Variants in LRP5 observed in about 807,000 individuals in gnomAD.
LRP5 encodes the protein LDL receptor related protein 5.
Under a neutral mutation model 154.1 loss-of-function variants are expected in LRP5, and 62 were observed. The observed-to-expected ratio is 0.40, with a 90% CI of 0.33 to 0.50. The LOEUF (loss-of-function observed/expected upper bound fraction) is 0.50. Ranked by LOEUF, LRP5 falls within the 20% of genes least tolerant of loss-of-function variation. LRP5 has a pLI of 0.55. For synonymous variants in LRP5, 966 were observed against 1,011.5 expected (o/e 0.96, Z 0.85); for missense variants, 1,915 against 2,336.7 (o/e 0.82, Z 3.72).
At chr11:68,314,660 C>T (rs924672155) in intron 1 of LRP5, among the ~76,000 whole-genome samples, 1 of 152,264 alleles carries the variant, frequency 6.6e-6, no homozygotes, top group African/African-American at 2.4e-5. Context: ...CCCTAGTCCT[C>T]TCTCCTCGGG....
chr11:68,409,077 T>A (rs1282418670), intron 9 of LRP5, among the ~76,000 whole-genome samples: 41 of 37,086 alleles, frequency 1.1e-3, no homozygotes, highest in African/African-American at 3.2e-3. Flanking sequence ...AAAAAAAATA[T>A]ATATATATAT....
At chr11:68,397,159 C>T (rs2098649876) in intron 7 of LRP5, among the ~76,000 whole-genome samples, 1 of 152,172 alleles carries the variant, frequency 6.6e-6, no homozygotes, top group African/African-American at 2.4e-5. Context: ...ACCAAGCCCT[C>T]ACGTTCTTGC....
At chr11:68,363,101 A>G (rs1206828330) in intron 3 of LRP5, among the ~76,000 whole-genome samples, 1 of 152,252 alleles carries the variant, frequency 6.6e-6, no homozygotes, top group Non-Finnish European at 1.5e-5. Flanking sequence ...CTGAAAGTAT[A>G]AATTATGAGC....
At chr11:68,434,835 A>C (rs1249865338) in intron 18 of LRP5, among the ~76,000 whole-genome samples, 3 of 152,190 alleles carry the variant, frequency 2.0e-5, no homozygotes, top group African/African-American at 7.2e-5. Flanking sequence ...CCACTGTCCT[A>C]CGTCCTCATT....
chr11:68,340,726 T>G (rs1001484090), intron 1 of LRP5, among the ~76,000 whole-genome samples: 1 of 152,206 alleles, frequency 6.6e-6, no homozygotes, highest in Non-Finnish European at 1.5e-5. Flanking sequence ...AAAAAAATAT[T>G]TGCAGAAATA....
intron 5 of LRP5, among the ~76,000 whole-genome samples, chr11:68,384,408 G>A (rs918325627): frequency 2.0e-5 from 3 of 152,204 alleles, no homozygotes; most frequent in African/African-American, 7.2e-5. Flanking sequence ...TGTGACCTGG[G>A]CCCCTGTGCA....
At chr11:68,416,037 A>G (rs1456873299) in intron 12 of LRP5, among the ~76,000 whole-genome samples, 1 of 152,032 alleles carries the variant, frequency 6.6e-6, no homozygotes, top group Non-Finnish European at 1.5e-5. Flanking sequence ...CGTGGGCAAC[A>G]GTGCGAGACT....
At chr11:68,373,183 G>T (rs965617714) in intron 5 of LRP5, among the ~76,000 whole-genome samples, 2 of 151,872 alleles carry the variant, frequency 1.3e-5, no homozygotes, top group Non-Finnish European at 2.9e-5. Flanking sequence ...ATCTTTCATG[G>T]AGTTACAGGC....
At chr11:68,356,008 T>G (rs1158423143) in intron 2 of LRP5, among the ~76,000 whole-genome samples, 3 of 149,822 alleles carry the variant, frequency 2.0e-5, no homozygotes, top group African/African-American at 4.9e-5. Flanking sequence ...CCCGGCTAAT[T>G]TTTTTTTTTG....
At chr11:68,341,616 G>A (rs2098609190) in intron 1 of LRP5, among the ~76,000 whole-genome samples, 1 of 152,072 alleles carries the variant, frequency 6.6e-6, no homozygotes, top group African/African-American at 2.4e-5. Context: ...ATGACGTGGT[G>A]GGAAGGCGCC....
rs756806068 is a variant in LRP5 at position 68,347,920 on chromosome 11, C to A, written c.165C>A (p.Ser55=). 6.2e-7 allele frequency: 1 copy of A among 1,613,572 alleles called. No individual in the cohort carries two copies. Among genetic ancestry groups the A allele is most frequent in the South Asian group, 1.1e-5 (1 of 91,094 alleles). Residue 55 remains serine, a synonymous_variant, in exon 2 of 23, where the codon TCC becomes TCA. Coordinates refer to ENST00000294304, the MANE Select transcript of LRP5 (RefSeq NM_002335.4). ...LVDAGGVKLE[S]TIVVSGLEDA... ...ACGCCGGCGGAGTCAAGCTGGAGTC[C>A]ACCATCGTGGTCAGCGGCCTGGAGG...
At chr11:68,331,189 A>T (rs1418407111) in intron 1 of LRP5, among the ~76,000 whole-genome samples, 1 of 152,212 alleles carries the variant, frequency 6.6e-6, no homozygotes, top group Non-Finnish European at 1.5e-5. Flanking sequence ...ACGGCAGGTT[A>T]CGGGTGAGTC....
rs568340059 is a variant in LRP5, at chr11:68,431,601, G to A, written c.3763+1901G>A. Among the ~76,000 whole-genome samples the A allele has an allele frequency of 1.7e-4, 26 of 152,240 alleles. No homozygotes were observed. The East Asian group carries it at 3.3e-3, about 19-fold the overall frequency. On this transcript the variant is annotated intron_variant, in intron 17 of 22. Transcript: ENST00000294304. The stretch of plus-strand genomic sequence containing the variant: ...GAGACTGGCTCCTGCCCAGGAGCTC[G>A]GGGAGTAGGGCCGCGGGGTGCTGCC...
At chr11:68,401,231 G>T (rs1008159292) in intron 7 of LRP5, among the ~76,000 whole-genome samples, 3 of 152,146 alleles carry the variant, frequency 2.0e-5, no homozygotes, top group African/African-American at 7.2e-5. Flanking sequence ...CATGGCCTTT[G>T]CGTGTCTTCC....
chr11:68,386,422 C>T lies in LRP5; in HGVS notation c.1122C>T (p.His374=), dbSNP rs764504521. ...DIVLQVDDIR[H]AIAIDYDPLE... is the part of the protein sequence containing the mutation. ...TGCTGCAGGTGGACGACATCCGGCA[C>T]GCCATTGCCATCGACTACGACCCGC... Residue 374 remains histidine (H), a synonymous_variant, in exon 6 of 23, where the codon CAC becomes CAT. Coordinates refer to ENST00000294304, the MANE Select transcript of LRP5 (RefSeq NM_002335.4). The surrounding 1 kb of genome is among the most constrained non-coding windows in gnomAD (Gnocchi z 7.9). 9.0e-5 allele frequency: 145 copies of T among 1,613,962 alleles called. 1 individual carries two copies. The highest frequency in any genetic ancestry group is 1.6e-4 in the Middle Eastern group (1 of 6,084).
intron 5 of LRP5, among the ~76,000 whole-genome samples, chr11:68,369,003 A>G (rs184935637): frequency 6.6e-6 from 1 of 152,014 alleles, no homozygotes; most frequent in East Asian, 1.9e-4. Context: ...ATGTCTGGCT[A>G]ATTTTTGTAT....
intron 15 of LRP5, among the ~76,000 whole-genome samples, chr11:68,425,634 G>A (rs2098668325): frequency 6.6e-6 from 1 of 152,232 alleles, no homozygotes; most frequent in Non-Finnish European, 1.5e-5. Flanking sequence ...AGAGAAATGA[G>A]AGTTGGTGCT....
the LRP5 span, among the ~76,000 whole-genome samples, chr11:68,299,498 T>C: frequency 8.7e-6 from 1 of 114,330 alleles, no homozygotes; most frequent in Admixed American, 8.5e-5. Flanking sequence ...GAGTGCTCAG[T>C]GTAGACAGCA....
At chr11:68,303,479 C>T in the LRP5 span, among the ~76,000 whole-genome samples, 1 of 152,170 alleles carries the variant, frequency 6.6e-6, no homozygotes. Context: ...TGGGGGAAGA[C>T]ATTTCTTCCC....
Sources: gnomAD v4.1 joint callset for allele counts (sites outside exome capture counted in the v4.1 genomes callset) on GRCh38, gnomAD v4.1.1 for gene constraint, Gnocchi (gnomAD v3.1) non-coding constraint, MANE v1.5 for transcripts, NCBI Gene and HGNC (gene_info 2026-07-23, HGNC 2026-07-21) for gene names.